Variants in SYCP2L observed in about 807,000 individuals in gnomAD.
SYCP2L encodes synaptonemal complex protein 2 like, also known as synaptonemal complex protein 2-like.
Under a neutral mutation model 125.8 loss-of-function variants are expected in SYCP2L, and 98 were observed. The observed-to-expected ratio is 0.78, with a 90% confidence interval of 0.66 to 0.92. The LOEUF (loss-of-function observed/expected upper bound fraction) is 0.92. Ranked by LOEUF, SYCP2L falls within the 40% of genes least tolerant of loss-of-function variation. The pLI is 0.00. For synonymous variants in SYCP2L, 317 were observed against 325.4 expected (o/e 0.97, Z 0.28); for missense variants, 842 against 936.4 (o/e 0.90, Z 1.32).
At chr6:10,923,676 T>C (rs1581828057) in intron 14 of SYCP2L, among the ~76,000 whole-genome samples, 4 of 37,582 alleles carry the variant, frequency 1.1e-4, no homozygotes, top group African/African-American at 3.1e-4. Flanking sequence ...TCTTTCTTTT[T>C]CTTTTTCTTT....
intron 8 of SYCP2L, among the ~76,000 whole-genome samples, chr6:10,903,965 T>C (rs1780438329): frequency 6.6e-6 from 1 of 152,198 alleles, no homozygotes; most frequent in Non-Finnish European, 1.5e-5. Flanking sequence ...CTTCAAATCC[T>C]AGTTTTGCCA....
rs528217738 is a variant in SYCP2L at position 10,938,519 on chromosome 6, C to A, written c.1813+3332C>A. Among the ~76,000 whole-genome samples, 10 of 152,282 alleles carry A rather than the reference C, an allele frequency of 6.6e-5. 1 individual carries two copies. Among genetic ancestry groups the A allele is most frequent in the Admixed American group, 2.6e-4 (4 of 15,300 alleles). The stretch of plus-strand genomic sequence containing the variant: ...AATACGACAAAGGTGTCTACTCTTG[C>A]CACTTCTGTTTAACATAGTACTGGA... On this transcript the variant is annotated intron_variant, in intron 21 of 29. Transcript: ENST00000283141.
intron 4 of SYCP2L, among the ~76,000 whole-genome samples, chr6:10,895,090 G>A (rs924561647): frequency 6.6e-5 from 10 of 152,190 alleles, no homozygotes; most frequent in African/African-American, 2.4e-4. Flanking sequence ...GGGGAATTAA[G>A]GACTGTGTTT....
At chr6:10,931,057 G>A (rs897934405) in intron 19 of SYCP2L, among the ~76,000 whole-genome samples, 5 of 152,224 alleles carry the variant, frequency 3.3e-5, no homozygotes, top group Admixed American at 6.5e-5. Flanking sequence ...TGTGGTCCCA[G>A]CTACTGGGGA....
chr6:10,950,967 AT>A (rs150082383), intron 23 of SYCP2L, among the ~76,000 whole-genome samples: 4,095 of 150,406 alleles, frequency 0.027, 150 homozygotes, highest in East Asian at 0.2. Flanking sequence ...CCAGAGGATA[AT>A]TTTTTTTTTA....
At position 10,935,057 on chromosome 6, in the gene SYCP2L, G is replaced by A. The variant is rs750467018; in HGVS notation, c.1684-1G>A. ...CACTTAAAAAAGATACTATATTTTA[G>A]GCTAAGCTTCTATCACCATCAGAGA... On this transcript the variant is annotated splice_acceptor_variant, in intron 20 of 29. Transcript: ENST00000283141. LOFTEE classifies it high-confidence loss of function. 1 of 1,597,398 alleles carries A rather than the reference G, an allele frequency of 6.3e-7. No individual in the cohort carries two copies. The highest frequency in any genetic ancestry group is 1.2e-5 in the South Asian group (1 of 86,130).
At chr6:10,906,593 A>C (rs1780494307) in intron 9 of SYCP2L, among the ~76,000 whole-genome samples, 1 of 148,306 alleles carries the variant, frequency 6.7e-6, no homozygotes. Context: ...TTTATTTTGT[A>C]GTAGAAACTT....
chr6:10,923,380 CTTTTTTTTT>C lies in SYCP2L; in HGVS notation c.1073-1101_1073-1093del, dbSNP rs1226992236. 6.7e-3 allele frequency among the ~76,000 whole-genome samples: 616 copies of C among 92,502 alleles called. 10 individuals are homozygous for C. The highest frequency in any genetic ancestry group is 7.3e-3 in the Non-Finnish European group (371 of 50,812). The allele number at this position is 92,502 out of a possible 152,430, so 60.7% of individuals were successfully genotyped here. A position where few individuals can be genotyped will look rare whatever the true frequency, so the allele number is the denominator to read the frequency against. ...AGGAGGCTATTGTCTGAAACACACA[CTTTTTTTTT>C]TTTTTTTTTTTTTTGAGATGGAGGC... On this transcript the variant is annotated intron_variant, in intron 14 of 29. Transcript: ENST00000283141.
intron 29 of SYCP2L, among the ~76,000 whole-genome samples, chr6:10,969,359 T>C (rs1781730856): frequency 2.4e-5 from 1 of 41,228 alleles, no homozygotes; most frequent in Admixed American, 3.7e-4. Context: ...GGAAATTATC[T>C]TTTTTTTTTT....
chr6:10,891,410 A>C (rs1780168361), intron 1 of SYCP2L, 103 bp from the exon 2 acceptor site: 2 of 928,142 alleles, frequency 2.2e-6, no homozygotes, highest in East Asian at 5.4e-5. Flanking sequence ...AAACAATACA[A>C]ACCTTTAATT....
chr6:10,916,514 G>A (rs1206719368), intron 14 of SYCP2L, among the ~76,000 whole-genome samples: 1 of 152,150 alleles, frequency 6.6e-6, no homozygotes, highest in Non-Finnish European at 1.5e-5. Flanking sequence ...TTGATAGGTT[G>A]TGTCACTGTT....
intron 14 of SYCP2L, among the ~76,000 whole-genome samples, chr6:10,913,958 A>G (rs1780647811): frequency 6.6e-6 from 1 of 151,494 alleles, no homozygotes; most frequent in Non-Finnish European, 1.5e-5. Flanking sequence ...TGGCCTCCTG[A>G]GTTGCTGGGA....
chr6:10,926,458 G>T, intron 16 of SYCP2L, 26 bp downstream of exon 16: 2 of 1,568,744 alleles, frequency 1.3e-6, no homozygotes, highest in South Asian at 2.2e-5. Context: ...ACAAAATTCT[G>T]ACCCTGAGTT....
chr6:10,963,704 C>T (rs1398753550), intron 28 of SYCP2L, 78 bp from the exon 29 acceptor site: 1 of 1,398,746 alleles, frequency 7.1e-7, no homozygotes, highest in East Asian at 2.3e-5. Context: ...CTCTGATATG[C>T]AGATGTATCT....
chr6:10,900,644 C>T (rs533529865), intron 6 of SYCP2L, among the ~76,000 whole-genome samples: 8 of 152,284 alleles, frequency 5.3e-5, no homozygotes, highest in South Asian at 4.1e-4. Flanking sequence ...TGAGCCATCG[C>T]GCCTAGACGG....
chr6:10,913,566 A>AT lies in SYCP2L; in HGVS notation c.1072+649dup, dbSNP rs569081929. On this transcript the variant is annotated intron_variant, in intron 14 of 29. Transcript: ENST00000283141. ...TGTCCTTACCCCACTTTTGGATGGGATTTTTTTTTTCTTGCTGAATTGTTT... is the reference window on the plus strand; with the variant it reads ...TGTCCTTACCCCACTTTTGGATGGGATTTTTTTTTTTCTTGCTGAATTGTTT... Among the ~76,000 whole-genome samples, 55 of 148,992 alleles carry AT rather than the reference A, an allele frequency of 3.7e-4. No individual in the cohort carries two copies. In the East Asian group the frequency reaches 6.7e-3, roughly 18 times the overall value.
chr6:10,935,052 T>A lies in SYCP2L; in HGVS notation c.1684-6T>A. 1 of 1,591,898 alleles carries A rather than the reference T, an allele frequency of 6.3e-7. No homozygotes were observed. Among genetic ancestry groups the A allele is most frequent in the Non-Finnish European group, 8.5e-7 (1 of 1,172,496 alleles). ...GTTAACACTTAAAAAAGATACTATATTTTAGGCTAAGCTTCTATCACCATC... is the reference window on the plus strand; with the variant it reads ...GTTAACACTTAAAAAAGATACTATAATTTAGGCTAAGCTTCTATCACCATC... On this transcript the variant is annotated splice_region_variant and splice_polypyrimidine_tract_variant and intron_variant, in intron 20 of 29. Coordinates refer to ENST00000283141, the MANE Select transcript of SYCP2L (RefSeq NM_001040274.3).
At position 10,930,471 on chromosome 6, in the gene SYCP2L, A is replaced by G. The variant is rs1300113842; in HGVS notation, c.1590A>G (p.Ser530=). The G allele has an allele frequency of 1.9e-6, 3 of 1,613,336 alleles. No homozygotes were observed. Among genetic ancestry groups the G allele is most frequent in the Non-Finnish European group, 2.5e-6 (3 of 1,179,752 alleles). The part of the protein sequence containing the change: ...TSNQKKKSLK[S]YSSRKKTRTR... Reference sequence around the variant, plus strand: ...ACCAGAAAAAGAAATCCCTAAAATCATATTCCAGTAGAAAGAAGACAAGAA... The same window carrying G: ...ACCAGAAAAAGAAATCCCTAAAATCGTATTCCAGTAGAAAGAAGACAAGAA... Residue 530 remains serine, a synonymous_variant, in exon 19 of 30, where the codon TCA becomes TCG. Transcript: ENST00000283141.
chr6:10,887,177 C>T, intron 1 of SYCP2L, 42 bp downstream of exon 1: 2 of 1,611,672 alleles, frequency 1.2e-6, no homozygotes, highest in Non-Finnish European at 1.7e-6. Context: ...GTCCACAGTG[C>T]TAGGGCGCGC....
Sources: gnomAD v4.1 joint callset for allele counts (sites outside exome capture counted in the v4.1 genomes callset) on GRCh38, gnomAD v4.1.1 for gene constraint, MANE v1.5 for transcripts, NCBI Gene and HGNC (gene_info 2026-07-23, HGNC 2026-07-21) for gene names.